PRRC2C: variants seen among roughly 807,000 people sequenced by gnomAD.
PRRC2C encodes proline rich coiled-coil 2C, also known as protein PRRC2C.
A neutral mutation model predicts 317.2 loss-of-function variants in PRRC2C; 72 were observed. The observed-to-expected ratio is 0.23, with a 90% CI of 0.19 to 0.28. The LOEUF (loss-of-function observed/expected upper bound fraction) is 0.28. Among genes scored for constraint, PRRC2C ranks in the 10% least tolerant of loss-of-function variants. The probability of loss-of-function intolerance (pLI) is 1.00; values close to 1 mark genes in which losing one functional copy is unlikely to be tolerated. For missense variants in PRRC2C, 3,074 were observed against 3,459.7 expected, an observed-to-expected ratio of 0.89 and a Z score of 2.80; for synonymous variants, 1,296 against 1,205.9, an observed-to-expected ratio of 1.07 and a Z score of -1.55.
At chr1:171,551,956 G>T (rs370208721) in intron 18 of PRRC2C, among the ~76,000 whole-genome samples, 1 of 152,212 alleles carries the variant, frequency 6.6e-6, no homozygotes, top group Non-Finnish European at 1.5e-5. Context: ...CTCTTTTTTG[G>T]TTCCATATGA....
In PRRC2C at chr1:171,527,844, G is replaced by A; in HGVS notation, c.1254G>A (p.Gln418=). ...CACCTCCAAAGTTGCTTGCACAGCAGGTAAATTTTAAGTGCTTGTTTATGG... is the reference window on the plus strand; with the variant it reads ...CACCTCCAAAGTTGCTTGCACAGCAAGTAAATTTTAAGTGCTTGTTTATGG... ...LPPPPKLLAQ[Q]HPPPDRQAVP... Residue 418 remains glutamine (Q), a splice_region_variant and synonymous_variant, in exon 11 of 35, where the codon CAG becomes CAA. Coordinates refer to ENST00000647382, the MANE Select transcript of PRRC2C (RefSeq NM_001387844.1). The A allele has an allele frequency of 3.2e-6, 5 of 1,576,720 alleles. No individual in the cohort carries two copies. Among genetic ancestry groups the A allele is most frequent in the Non-Finnish European group, 4.3e-6 (5 of 1,158,860 alleles).
intron 30 of PRRC2C, among the ~76,000 whole-genome samples, chr1:171,586,062 G>GGTTTTTTTTTT (rs78928878): frequency 2.3e-5 from 1 of 43,504 alleles, no homozygotes; most frequent in African/African-American, 7.8e-5. Context: ...GTCAGGTGTT[G>GGTTTTTTTTTT]ATTTTTTTTT....
chr1:171,588,592 A>C, intron 33 of PRRC2C, 87 bp downstream of exon 33: 1 of 1,349,736 alleles, frequency 7.4e-7, no homozygotes, highest in African/African-American at 1.5e-5. Context: ...TATGTTAACC[A>C]GTTAAGAAGT....
intron 1 of PRRC2C, among the ~76,000 whole-genome samples, chr1:171,489,533 C>T (rs957436225): frequency 3.9e-5 from 6 of 152,066 alleles, no homozygotes; most frequent in Non-Finnish European, 8.8e-5. Context: ...AGATTGAGTT[C>T]CTAGTTGATT....
intron 24 of PRRC2C, among the ~76,000 whole-genome samples, 149 bp from the exon 25 acceptor site, chr1:171,574,770 CTAGGGTCT>C (rs1270348059): frequency 6.6e-6 from 1 of 152,106 alleles, no homozygotes; most frequent in Non-Finnish European, 1.5e-5. Context: ...TCTGAAATCC[CTAGGGTCT>C]TAGGGTCTTA....
chr1:171,586,864 G>T (rs905539770), intron 30 of PRRC2C, 139 bp from the exon 31 acceptor site: 6 of 683,910 alleles, frequency 8.8e-6, no homozygotes, highest in African/African-American at 1.8e-5. Flanking sequence ...GGGATTACAG[G>T]CATGAGCCAC....
chr1:171,591,121 G>T, intron 34 of PRRC2C: 1 of 974,346 alleles, frequency 1.0e-6, no homozygotes, highest in Non-Finnish European at 1.2e-6. Context: ...TGAAGTCGTA[G>T]TTACTAATTT....
chr1:171,555,509 G>T (rs1260617343), intron 18 of PRRC2C, among the ~76,000 whole-genome samples: 1 of 152,180 alleles, frequency 6.6e-6, no homozygotes. Context: ...TTCCGTTGCT[G>T]GCGAGGAGCT....
At chr1:171,556,593 T>C (rs576227377) in intron 18 of PRRC2C, among the ~76,000 whole-genome samples, 11 of 152,342 alleles carry the variant, frequency 7.2e-5, no homozygotes, top group African/African-American at 2.6e-4. Context: ...ATCTTTACTT[T>C]AACAACATAT....
intron 1 of PRRC2C, among the ~76,000 whole-genome samples, chr1:171,501,344 T>C (rs1377686402): frequency 6.6e-6 from 1 of 152,228 alleles, no homozygotes; most frequent in African/African-American, 2.4e-5. Flanking sequence ...TTGCCCAGGC[T>C]GGTCTCAAAC....
chr1:171,559,964 T>C (rs1682345980), intron 19 of PRRC2C, among the ~76,000 whole-genome samples: 1 of 152,220 alleles, frequency 6.6e-6, no homozygotes, highest in Non-Finnish European at 1.5e-5. Context: ...AAGATTTATG[T>C]TGTTTTCATG....
intron 18 of PRRC2C, 122 bp from the exon 19 acceptor site, chr1:171,557,118 G>C: frequency 3.5e-6 from 5 of 1,438,616 alleles, no homozygotes; most frequent in Non-Finnish European, 4.6e-6. Context: ...ACATTTTGTG[G>C]TTTGAGTACC....
Position 171,541,798 on chromosome 1 carries a change from G to A in PRRC2C, c.4332G>A (p.Glu1444=). The change falls in exon 16 of 35, where the codon GAG becomes GAA. Residue 1444 remains glutamate, a synonymous_variant. Transcript: ENST00000647382. The surrounding 1 kb of genome is among the most constrained non-coding windows in gnomAD (Gnocchi z 4.1). ...CACCTCGATTTAGACGGCTAAGAGA[G>A]AGGGAGGCTGCTTCAAAATCAAATG... ...DKPPRFRRLR[E]REAASKSNEV... 6.2e-7 allele frequency: 1 copy of A among 1,613,964 alleles called. No homozygotes were observed. Among genetic ancestry groups the A allele is most frequent in the African/African-American group, 1.3e-5 (1 of 75,060 alleles).
chr1:171,515,827 A>G lies in PRRC2C; in HGVS notation c.494A>G (p.Asn165Ser), dbSNP rs1351275430. ...AAAGAAAAGGAAACAAATGATGACA[A>G]CTATGGACCTGGACCCAGTTTACGT... is the stretch of plus-strand genomic sequence containing the variant. ...EKKEKETNDD[N>S]YGPGPSLRPP... Residue 165 changes from asparagine to serine, a missense_variant, in exon 5 of 35, where the codon AAC becomes AGC. By Grantham distance (46) the Asn-to-Ser change is conservative (BLOSUM62 1). Transcript: ENST00000647382. 1.2e-6 allele frequency: 2 copies of G among 1,611,202 alleles called. No individual in the cohort carries two copies. Among genetic ancestry groups the G allele is most frequent in the Admixed American group, 1.7e-5 (1 of 59,582 alleles).
intron 23 of PRRC2C, among the ~76,000 whole-genome samples, chr1:171,569,376 A>G (rs1684283858): frequency 6.6e-6 from 1 of 151,532 alleles, no homozygotes; most frequent in Non-Finnish European, 1.5e-5. Flanking sequence ...AATTTTAGAA[A>G]GGTGAGCTGC....
At chr1:171,499,378 A>G (rs1364195755) in intron 1 of PRRC2C, among the ~76,000 whole-genome samples, 1 of 152,230 alleles carries the variant, frequency 6.6e-6, no homozygotes, top group Admixed American at 6.5e-5. Flanking sequence ...TAGATCATTA[A>G]AACTGTGTAT....
At chr1:171,523,614 TTTG>T (rs1018553830) in intron 9 of PRRC2C, 92 bp downstream of exon 9, 32 of 1,080,376 alleles carry the variant, frequency 3.0e-5, no homozygotes, top group Admixed American at 8.6e-5. Flanking sequence ...TAGACAATTG[TTTG>T]TTATTTGTAG....
At chr1:171,506,011 C>T (rs1336419726) in intron 1 of PRRC2C, among the ~76,000 whole-genome samples, 2 of 152,114 alleles carry the variant, frequency 1.3e-5, no homozygotes, top group African/African-American at 2.4e-5. Flanking sequence ...ACCATATAGC[C>T]TTGGTGTTCA....
chr1:171,511,752 A>C (rs1296761587), intron 1 of PRRC2C: 2 of 162,588 alleles, frequency 1.2e-5, no homozygotes, highest in Non-Finnish European at 2.7e-5. Flanking sequence ...AGACAGTCTC[A>C]GTGGGTTCAC....
Sources: allele counts gnomAD v4.1 joint callset (sites outside exome capture counted in the v4.1 genomes callset), GRCh38; gene constraint gnomAD v4.1.1; non-coding constraint Gnocchi (gnomAD v3.1); transcripts MANE v1.5; gene names NCBI Gene and HGNC (gene_info 2026-07-23, HGNC 2026-07-21).